MISFA: variants seen among roughly 807,000 people sequenced by gnomAD.
MISFA encodes the protein mitochondrial sheath formation-associated protein.
At chr11:18,605,511 G>C in the MISFA span, among the ~76,000 whole-genome samples, 1 of 151,274 alleles carries the variant, frequency 6.6e-6, no homozygotes, top group South Asian at 2.1e-4. Flanking sequence ...GTGGCTCTTT[G>C]CAATTAATGG....
chr11:18,602,638 ATTAAG>A, the MISFA span: 2 of 153,138 alleles, frequency 1.3e-5, no homozygotes, highest in Admixed American at 1.3e-4. Context: ...ACAATAGCAT[ATTAAG>A]TTATTTGCTC....
At chr11:18,600,046 G>A in the MISFA span, 1 of 398,868 alleles carries the variant, frequency 2.5e-6, no homozygotes, top group Non-Finnish European at 4.4e-6. Flanking sequence ...TCCTGTGCTG[G>A]CTCATCTTCC....
chr11:18,607,707 CCTTT>C, the MISFA span: 1 of 152,226 alleles, frequency 6.6e-6, no homozygotes, highest in African/African-American at 2.4e-5. Context: ...AAAGACTTAA[CCTTT>C]TTTTTCTTTT....
At chr11:18,605,944 C>G in the MISFA span, among the ~76,000 whole-genome samples, 4 of 152,310 alleles carry the variant, frequency 2.6e-5, no homozygotes, top group Admixed American at 2.6e-4. Context: ...TCCCAAAGTG[C>G]TGGGATTACA....
At chr11:18,606,573 T>TTTAA in the MISFA span, 1 of 288,948 alleles carries the variant, frequency 3.5e-6, no homozygotes, top group South Asian at 3.0e-5. Context: ...ACAGGATGGA[T>TTTAA]TTAATTACTC....
the MISFA span, chr11:18,602,439 T>C: frequency 6.5e-6 from 1 of 152,746 alleles, no homozygotes; most frequent in Admixed American, 6.5e-5. Flanking sequence ...GTCAGAACTT[T>C]GTGGCAGTCC....
chr11:18,605,976 C>G, the MISFA span, among the ~76,000 whole-genome samples: 12 of 152,206 alleles, frequency 7.9e-5, no homozygotes, highest in Non-Finnish European at 1.6e-4. Flanking sequence ...CTGTGCCCAG[C>G]CTGCCTCATA....
At chr11:18,607,388 A>C in the MISFA span, 1 of 152,656 alleles carries the variant, frequency 6.6e-6, no homozygotes, top group African/African-American at 2.4e-5. Flanking sequence ...TATGAAAACT[A>C]CTTTCCTTTC....
chr11:18,609,124 C>T, the MISFA span: 1 of 152,114 alleles, frequency 6.6e-6, no homozygotes, highest in Non-Finnish European at 1.5e-5. Flanking sequence ...AGCACAGTGA[C>T]CTTGTCTTAC....
chr11:18,604,019 C>A, the MISFA span: 2 of 291,158 alleles, frequency 6.9e-6, no homozygotes, highest in Non-Finnish European at 1.3e-5. Context: ...CTCCGCCTCC[C>A]GGGTTCATGC....
chr11:18,601,425 T>C, the MISFA span: 1 of 398,200 alleles, frequency 2.5e-6, no homozygotes, highest in African/African-American at 2.1e-5. Context: ...CACTGTAATA[T>C]ATTATACTAT....
chr11:18,603,972 G>C, the MISFA span: 4 of 300,440 alleles, frequency 1.3e-5, no homozygotes, highest in Non-Finnish European at 2.2e-5. Context: ...TGTCGCCCAG[G>C]CTGGAGTGCA....
chr11:18,608,970 A>G, the MISFA span: 2 of 149,494 alleles, frequency 1.3e-5, no homozygotes, highest in African/African-American at 4.9e-5. Flanking sequence ...ATTTCAAAAT[A>G]TCTTTATGAT....
chr11:18,603,505 A>G, the MISFA span, among the ~76,000 whole-genome samples: 2 of 152,208 alleles, frequency 1.3e-5, no homozygotes, highest in Non-Finnish European at 2.9e-5. Flanking sequence ...CTCTTCCACA[A>G]GTAAACACTA....
At chr11:18,599,943 C>CA in the MISFA span, 22 of 398,958 alleles carry the variant, frequency 5.5e-5, no homozygotes, top group Non-Finnish European at 9.7e-5. Flanking sequence ...TTGTGCTTGG[C>CA]TGGATGTTTT....
At chr11:18,608,992 G>A in the MISFA span, 3 of 151,102 alleles carry the variant, frequency 2.0e-5, no homozygotes, top group South Asian at 6.2e-4. Flanking sequence ...GGGGAGGGGA[G>A]GAGGGGAGAG....
At chr11:18,600,001 A>G in the MISFA span, 12 of 398,768 alleles carry the variant, frequency 3.0e-5, no homozygotes, top group Non-Finnish European at 4.9e-5. Context: ...GTTGATGGTA[A>G]GTAATGGCTC....
the MISFA span, among the ~76,000 whole-genome samples, chr11:18,600,224 A>G: frequency 6.6e-6 from 1 of 151,798 alleles, no homozygotes; most frequent in East Asian, 1.9e-4. Context: ...ATTTTTTGAG[A>G]TGGAGTTTTG....
At chr11:18,601,951 GTAAAATAC>G in the MISFA span, 1 of 155,428 alleles carries the variant, frequency 6.4e-6, no homozygotes, top group Non-Finnish European at 1.4e-5. Flanking sequence ...TTAGCATTTA[GTAAAATAC>G]TAACTTAACA....
Sources: gnomAD v4.1 joint callset for allele counts (sites outside exome capture counted in the v4.1 genomes callset) on GRCh38, gnomAD v4.1.1 for gene constraint, MANE v1.5 for transcripts, NCBI Gene and HGNC (gene_info 2026-07-23, HGNC 2026-07-21) for gene names.